The following ST3GAL3 variants were observed in gnomAD, a reference collection of about 807,000 sequenced individuals.
ST3GAL3 encodes the protein CMP-N-acetylneuraminate-beta-1,4-galactoside alpha-2,3-sialyltransferase.
In ST3GAL3, 21 loss-of-function variants were observed where a neutral mutation model predicts 50.1. That is an observed-to-expected ratio of 0.42 (90% CI 0.30 to 0.60). The LOEUF is 0.60. ST3GAL3 is among the 20% of genes least tolerant of loss of function. ST3GAL3 has a pLI of 0.19. For synonymous variants in ST3GAL3, 183 were observed against 190.0 expected, an observed-to-expected ratio of 0.96 and a Z score of 0.30; for missense variants, 353 against 489.4, an observed-to-expected ratio of 0.72 and a Z score of 2.63.
intron 5 of ST3GAL3, chr1:43,850,457 C>A: frequency 1.7e-6 from 1 of 594,860 alleles, no homozygotes; most frequent in Non-Finnish European, 3.3e-6. Context: ...GCAGGGTTAG[C>A]TCTATCCCTC....
At chr1:43,786,077 A>G (rs1026068542) in intron 2 of ST3GAL3, among the ~76,000 whole-genome samples, 1 of 151,672 alleles carries the variant, frequency 6.6e-6, no homozygotes, top group African/African-American at 2.4e-5. Flanking sequence ...GGTTCAGGCC[A>G]CCATCAGTTC....
chr1:43,911,881 GT>G (rs1407779432), intron 9 of ST3GAL3: 3 of 151,956 alleles, frequency 2.0e-5, no homozygotes, highest in African/African-American at 4.8e-5. Flanking sequence ...GTAGAGACGG[GT>G]TTTCACCATA....
chr1:43,923,905 G>C (rs2083468919), intron 11 of ST3GAL3, among the ~76,000 whole-genome samples: 1 of 152,042 alleles, frequency 6.6e-6, no homozygotes, highest in Non-Finnish European at 1.5e-5. Context: ...ATGAGTCACT[G>C]CACCTGGCCC....
chr1:43,838,299 C>T lies in ST3GAL3; in HGVS notation c.290C>T (p.Ala97Val). The T allele has an allele frequency of 1.8e-5, 29 of 1,613,496 alleles. No homozygotes were observed. Among genetic ancestry groups the T allele is most frequent in the Non-Finnish European group, 2.5e-5 (29 of 1,179,694 alleles). Residue 97 changes from alanine (A) to valine (V), a missense_variant, in exon 5 of 12, where the codon GCC becomes GTC. Coordinates refer to ENST00000347631, the MANE Select transcript of ST3GAL3 (RefSeq NM_006279.5). Reference protein sequence around the residue: ...KPGYASALMTAIFPRFSKPAP... With the variant: ...KPGYASALMTVIFPRFSKPAP... ...GGCTATGCTTCAGCCTTGATGACGG[C>T]CATCTTCCCCCGGTAAGTGCTCCTG...
At chr1:43,893,233 G>C (rs916078114) in intron 5 of ST3GAL3, among the ~76,000 whole-genome samples, 8 of 152,234 alleles carry the variant, frequency 5.3e-5, no homozygotes, top group South Asian at 2.1e-4. Flanking sequence ...TTCTGGGCTT[G>C]GAGGGCCACC....
At chr1:43,771,568 A>G (rs1194885711) in intron 2 of ST3GAL3, among the ~76,000 whole-genome samples, 1 of 152,150 alleles carries the variant, frequency 6.6e-6, no homozygotes, top group Non-Finnish European at 1.5e-5. Flanking sequence ...CGTGTTAGCC[A>G]GGATGGTCTC....
chr1:43,711,887 C>T (rs1664947707), intron 1 of ST3GAL3, among the ~76,000 whole-genome samples: 1 of 152,208 alleles, frequency 6.6e-6, no homozygotes, highest in Admixed American at 6.5e-5. Context: ...ATTTTAGGTG[C>T]ATTTTCACTC....
At chr1:43,889,814 GT>G (rs1295965896) in intron 5 of ST3GAL3, among the ~76,000 whole-genome samples, 1 of 152,098 alleles carries the variant, frequency 6.6e-6, no homozygotes, top group Non-Finnish European at 1.5e-5. Flanking sequence ...TCATAAAGCT[GT>G]TTTAAAAAAG....
chr1:43,837,493 G>A (rs943662108), intron 4 of ST3GAL3, among the ~76,000 whole-genome samples: 1 of 152,232 alleles, frequency 6.6e-6, no homozygotes, highest in Non-Finnish European at 1.5e-5. Context: ...CATAGCCTGA[G>A]TGGAGAGAAT....
At chr1:43,793,203 C>A (rs1422717350) in intron 3 of ST3GAL3, among the ~76,000 whole-genome samples, 1 of 152,158 alleles carries the variant, frequency 6.6e-6, no homozygotes, top group African/African-American at 2.4e-5. Flanking sequence ...CTATCTCTTA[C>A]AATCGCTTTT....
At chr1:43,803,480 TCA>T (rs372991626) in intron 3 of ST3GAL3, among the ~76,000 whole-genome samples, 4 of 152,252 alleles carry the variant, frequency 2.6e-5, no homozygotes, top group African/African-American at 7.2e-5. Context: ...TTCTGAATTC[TCA>T]CAGACTTTGT....
chr1:43,718,033 C>T (rs1466414833), intron 1 of ST3GAL3, among the ~76,000 whole-genome samples: 2 of 151,292 alleles, frequency 1.3e-5, no homozygotes, highest in African/African-American at 2.4e-5. Context: ...CCACCACACC[C>T]GGCTAATTTT....
intron 5 of ST3GAL3, among the ~76,000 whole-genome samples, chr1:43,865,890 G>A (rs1335698759): frequency 6.6e-6 from 1 of 152,156 alleles, no homozygotes; most frequent in African/African-American, 2.4e-5. Context: ...TTTTAGTTTT[G>A]TTTTTGGCAC....
At chr1:43,850,751 G>A in intron 5 of ST3GAL3, 1 of 778,546 alleles carries the variant, frequency 1.3e-6, no homozygotes, top group Non-Finnish European at 2.3e-6. Flanking sequence ...CTCTGCAGTT[G>A]GCCACCACAT....
chr1:43,850,538 C>G (rs2067091202), intron 5 of ST3GAL3: 1 of 682,790 alleles, frequency 1.5e-6, no homozygotes, highest in African/African-American at 1.8e-5. Flanking sequence ...CTGGGTTCCC[C>G]AGCCGCAGTC....
chr1:43,709,122 T>G (rs304300), intron 1 of ST3GAL3, among the ~76,000 whole-genome samples: 135,014 of 152,198 alleles, frequency 0.89, 60,290 homozygotes, highest in African/African-American at 0.97. Flanking sequence ...TAGCCGGCTG[T>G]ATGAAGGGGA....
At chr1:43,879,549 C>A in intron 5 of ST3GAL3, 1 of 382,692 alleles carries the variant, frequency 2.6e-6, no homozygotes, top group Non-Finnish European at 5.2e-6. Flanking sequence ...ATTGTATTAA[C>A]AGGACTTGCT....
intron 3 of ST3GAL3, among the ~76,000 whole-genome samples, chr1:43,805,895 C>T (rs929353007): frequency 6.6e-6 from 1 of 152,066 alleles, no homozygotes; most frequent in Non-Finnish European, 1.5e-5. Context: ...ACCACCACAC[C>T]CGGCTAATTT....
At chr1:43,728,998 T>C (rs748250806) in intron 1 of ST3GAL3, among the ~76,000 whole-genome samples, 1 of 151,658 alleles carries the variant, frequency 6.6e-6, no homozygotes, top group Admixed American at 6.6e-5. Context: ...CAAGTGCTCC[T>C]CCCACTGCAG....
Sources: allele counts gnomAD v4.1 joint callset (sites outside exome capture counted in the v4.1 genomes callset), GRCh38; gene constraint gnomAD v4.1.1; transcripts MANE v1.5; gene names NCBI Gene and HGNC (gene_info 2026-07-23, HGNC 2026-07-21).